ADGRA3: variants seen among roughly 807,000 people sequenced by gnomAD.
ADGRA3 encodes G-protein coupled receptor 125.
ADGRA3 carries 56 observed loss-of-function variants against 119.8 expected under a neutral mutation model. The ratio of observed to expected loss-of-function variants is 0.47; its 90% CI spans 0.38 to 0.58. The LOEUF (loss-of-function observed/expected upper bound fraction) is 0.58, where lower values mean the gene tolerates loss of function less well. Ranked by LOEUF, ADGRA3 falls within the 20% of genes least tolerant of loss-of-function variation. ADGRA3 has a pLI of 0.00. For missense variants in ADGRA3, 1,516 were observed against 1,649.0 expected (o/e 0.92, Z 1.40); for synonymous variants, 607 against 623.8 (o/e 0.97, Z 0.40).
intron 2 of ADGRA3, among the ~76,000 whole-genome samples, chr4:22,473,565 C>T (rs1445752854): frequency 2.0e-5 from 3 of 152,142 alleles, no homozygotes; most frequent in Admixed American, 6.5e-5. Flanking sequence ...GCTGTGAAAA[C>T]GCAATTTACT....
chr4:22,515,399 T>C (rs1719613566), intron 1 of ADGRA3, 129 bp downstream of exon 1: 2 of 1,188,986 alleles, frequency 1.7e-6, no homozygotes, highest in South Asian at 1.9e-5. Flanking sequence ...AGGTCTTTCC[T>C]AGCACCGCCC....
intron 1 of ADGRA3, among the ~76,000 whole-genome samples, chr4:22,485,981 C>A (rs1398316559): frequency 6.6e-6 from 1 of 152,148 alleles, no homozygotes; most frequent in African/African-American, 2.4e-5. Flanking sequence ...GGTTTCAGTT[C>A]TTGGGAATCA....
At chr4:22,442,239 T>C (rs1716643114) in intron 7 of ADGRA3, among the ~76,000 whole-genome samples, 1 of 152,184 alleles carries the variant, frequency 6.6e-6, no homozygotes, top group Non-Finnish European at 1.5e-5. Context: ...TATTCTTTTA[T>C]ACTAGTAGGT....
chr4:22,414,621 C>T (rs764981416), intron 12 of ADGRA3: 4 of 698,868 alleles, frequency 5.7e-6, no homozygotes, highest in East Asian at 2.7e-5. Flanking sequence ...AGAAACAAAT[C>T]GAATCATGTT....
chr4:22,462,643 T>G (rs1178974057), intron 2 of ADGRA3, among the ~76,000 whole-genome samples: 1 of 152,168 alleles, frequency 6.6e-6, no homozygotes, highest in Admixed American at 6.5e-5. Flanking sequence ...GAGGTGAGGA[T>G]ATAAAATAAA....
intron 16 of ADGRA3, chr4:22,393,437 G>C (rs1172196890): frequency 1.3e-5 from 2 of 152,208 alleles, no homozygotes; most frequent in Non-Finnish European, 1.5e-5. Context: ...TAAGAGACCT[G>C]AGATATGATT....
intron 12 of ADGRA3, among the ~76,000 whole-genome samples, chr4:22,417,524 C>T (rs895290265): frequency 1.3e-5 from 2 of 152,102 alleles, no homozygotes; most frequent in South Asian, 4.2e-4. Flanking sequence ...GCATAACAGC[C>T]GAGAAACTGA....
intron 1 of ADGRA3, among the ~76,000 whole-genome samples, chr4:22,496,763 C>T (rs1718841457): frequency 6.6e-6 from 1 of 152,194 alleles, no homozygotes; most frequent in African/African-American, 2.4e-5. Flanking sequence ...TACAAAAGGC[C>T]ATTATGAGTC....
At chr4:22,431,659 G>A (rs972439511) in intron 10 of ADGRA3, among the ~76,000 whole-genome samples, 60 of 152,170 alleles carry the variant, frequency 3.9e-4, no homozygotes, top group African/African-American at 1.4e-3. Flanking sequence ...ATGATTGTGA[G>A]GCCTCCCCAG....
chr4:22,430,344 G>A (rs575545857), intron 10 of ADGRA3, among the ~76,000 whole-genome samples: 1 of 152,190 alleles, frequency 6.6e-6, no homozygotes, highest in South Asian at 2.1e-4. Flanking sequence ...ACAGGAAAAT[G>A]TGGGAAACTT....
intron 1 of ADGRA3, chr4:22,478,097 AC>A (rs910141650): frequency 2.0e-5 from 3 of 152,190 alleles, no homozygotes; most frequent in Non-Finnish European, 2.9e-5. Context: ...TGTTACCGCC[AC>A]ATGATCTATG....
intron 16 of ADGRA3, among the ~76,000 whole-genome samples, chr4:22,397,501 T>G (rs1714413295): frequency 6.6e-6 from 1 of 152,128 alleles, no homozygotes; most frequent in African/African-American, 2.4e-5. Context: ...AGCTTAGAGT[T>G]CAGAGATAGT....
rs1437259932 is a variant in ADGRA3 at position 22,443,142 on chromosome 4, A to G, written c.707-279T>C. 8 of 664,632 alleles carry G rather than the reference A, an allele frequency of 1.2e-5. No homozygotes were observed. The Admixed American group carries it at 2.1e-4, about 17-fold the overall frequency. The allele number at this position is 664,632 out of a possible 1,614,324, so 41.2% of individuals were successfully genotyped here. ...ATCAGATGATTACAGAAATGAACTAAAAGAACAAGCTGTGCTCTAGAAAAT... is the reference window on the plus strand; with the variant it reads ...ATCAGATGATTACAGAAATGAACTAGAAGAACAAGCTGTGCTCTAGAAAAT... On this transcript the variant is annotated intron_variant, in intron 6 of 18. Coordinates refer to ENST00000334304, the MANE Select transcript of ADGRA3 (RefSeq NM_145290.4).
chr4:22,421,230 G>A (rs1339301155), intron 11 of ADGRA3, 141 bp from the exon 12 acceptor site: 7 of 500,148 alleles, frequency 1.4e-5, no homozygotes, highest in Non-Finnish European at 2.4e-5. Flanking sequence ...TCACTGTGTA[G>A]ATAACTGGCA....
At chr4:22,410,503 C>A (rs893002422) in intron 14 of ADGRA3, among the ~76,000 whole-genome samples, 13 of 151,732 alleles carry the variant, frequency 8.6e-5, no homozygotes, top group African/African-American at 3.1e-4. Context: ...TTTAAAAATT[C>A]AAAACTCTTA....
chr4:22,392,916 A>G (rs1416067966), intron 16 of ADGRA3: 1 of 466,094 alleles, frequency 2.1e-6, no homozygotes. Context: ...GAAGCCCACA[A>G]ACTACCATTT....
intron 4 of ADGRA3, among the ~76,000 whole-genome samples, chr4:22,450,746 G>A (rs1717005634): frequency 6.6e-6 from 1 of 152,030 alleles, no homozygotes; most frequent in African/African-American, 2.4e-5. Flanking sequence ...TCCATCTACA[G>A]AGGAATGACT....
rs1187120714 is a variant in ADGRA3 at position 22,503,024 on chromosome 4, G to C, written c.257+12504C>G. Among the ~76,000 whole-genome samples, 5 of 151,796 alleles carry C rather than the reference G, an allele frequency of 3.3e-5. 1 individual carries two copies. ...ATCAAGAGTCTACAATCTAGTAGGA[G>C]AACTAGGGTTGTAAATAAATAATTC... On this transcript the variant is annotated intron_variant, in intron 1 of 18. Coordinates refer to ENST00000334304, the MANE Select transcript of ADGRA3 (RefSeq NM_145290.4).
At chr4:22,499,520 C>T (rs1286142308) in intron 1 of ADGRA3, among the ~76,000 whole-genome samples, 1 of 152,164 alleles carries the variant, frequency 6.6e-6, no homozygotes, top group Non-Finnish European at 1.5e-5. Context: ...GTTCCCTGCT[C>T]ACCTAGTAAC....
Sources: allele counts gnomAD v4.1 joint callset (sites outside exome capture counted in the v4.1 genomes callset), GRCh38; gene constraint gnomAD v4.1.1; transcripts MANE v1.5; gene names NCBI Gene and HGNC (gene_info 2026-07-23, HGNC 2026-07-21).